The following THSD7B variants were observed in gnomAD, a reference collection of about 807,000 sequenced individuals.
The protein encoded by THSD7B is thrombospondin type-1 domain-containing protein 7B.
Under a neutral mutation model 213.6 loss-of-function variants are expected in THSD7B, and 138 were observed. The observed-to-expected ratio is 0.65, with a 90% CI of 0.56 to 0.74. The LOEUF (loss-of-function observed/expected upper bound fraction) is 0.74. Among genes scored for constraint, THSD7B ranks in the 30% least tolerant of loss-of-function variants. THSD7B has a pLI of 0.00. For synonymous variants in THSD7B, 742 were observed against 687.0 expected (o/e 1.08, Z -1.25); for missense variants, 1,931 against 1,991.5 (o/e 0.97, Z 0.58).
chr2:137,119,505 A>C (rs190989578), intron 5 of THSD7B, among the ~76,000 whole-genome samples: 157 of 152,316 alleles, frequency 1.0e-3, no homozygotes, highest in African/African-American at 3.7e-3. Context: ...AGGAGCTTGG[A>C]GAGTCCATAA....
intron 17 of THSD7B, among the ~76,000 whole-genome samples, chr2:137,615,821 T>TA (rs551697894): frequency 0.022 from 3,265 of 149,688 alleles, 114 homozygotes; most frequent in African/African-American, 0.075. Context: ...TTCCTTTTTT[T>TA]AAAAAAAAAA....
chr2:137,313,180 T>C (rs948184668), intron 12 of THSD7B, among the ~76,000 whole-genome samples: 2 of 152,186 alleles, frequency 1.3e-5, no homozygotes, highest in Non-Finnish European at 2.9e-5. Context: ...GCTTTATGAA[T>C]CTGGGTGCTC....
At chr2:137,027,189 G>A (rs1302551140) in intron 2 of THSD7B, among the ~76,000 whole-genome samples, 4 of 152,134 alleles carry the variant, frequency 2.6e-5, no homozygotes, top group East Asian at 1.9e-4. Context: ...ATATTTTTAA[G>A]TATAGTGCTA....
chr2:137,577,751 T>C (rs1399786620), intron 17 of THSD7B, among the ~76,000 whole-genome samples: 1 of 152,166 alleles, frequency 6.6e-6, no homozygotes, highest in East Asian at 1.9e-4. Flanking sequence ...GAGAGAATGA[T>C]TAATGACAAC....
intron 4 of THSD7B, 115 bp downstream of exon 4, chr2:137,095,236 A>G (rs1421998572): frequency 3.1e-5 from 43 of 1,402,374 alleles, no homozygotes; most frequent in Non-Finnish European, 1.5e-5. Flanking sequence ...CACTCAGTAT[A>G]CAAGTTCCAT....
chr2:137,555,393 G>A (rs1199400211), intron 15 of THSD7B, among the ~76,000 whole-genome samples: 1 of 152,184 alleles, frequency 6.6e-6, no homozygotes, highest in Non-Finnish European at 1.5e-5. Flanking sequence ...AGCAACATTC[G>A]CTGTTCTGCA....
At chr2:137,664,354 G>A (rs1683408744) in intron 26 of THSD7B, among the ~76,000 whole-genome samples, 3 of 152,144 alleles carry the variant, frequency 2.0e-5, no homozygotes, top group African/African-American at 7.2e-5. Context: ...TGGACCCATG[G>A]CTTACACACA....
At chr2:137,538,647 G>A (rs1280634212) in intron 15 of THSD7B, among the ~76,000 whole-genome samples, 5 of 151,670 alleles carry the variant, frequency 3.3e-5, no homozygotes, top group Non-Finnish European at 1.5e-5. Flanking sequence ...CCATAGAAGA[G>A]TCACTTTCTC....
At chr2:137,432,150 T>C (rs1420419998) in intron 14 of THSD7B, among the ~76,000 whole-genome samples, 1 of 152,108 alleles carries the variant, frequency 6.6e-6, no homozygotes, top group Non-Finnish European at 1.5e-5. Context: ...CCCAGCACTT[T>C]GGGAGGCGGA....
chr2:136,957,434 A>T (rs1685145111), intron 2 of THSD7B, among the ~76,000 whole-genome samples: 1 of 114,138 alleles, frequency 8.8e-6, no homozygotes. Flanking sequence ...GGGCCAATAC[A>T]ACGTTTTTTT....
intron 5 of THSD7B, among the ~76,000 whole-genome samples, chr2:137,118,474 G>A (rs1688483780): frequency 6.6e-6 from 1 of 152,098 alleles, no homozygotes; most frequent in Non-Finnish European, 1.5e-5. Context: ...ATATGGTAAA[G>A]CAAAATTTAT....
At chr2:137,294,791 A>G (rs1683420070) in intron 12 of THSD7B, among the ~76,000 whole-genome samples, 1 of 152,022 alleles carries the variant, frequency 6.6e-6, no homozygotes, top group African/African-American at 2.4e-5. Context: ...TCAGGCATTC[A>G]CTAGAGGTCT....
intron 15 of THSD7B, among the ~76,000 whole-genome samples, chr2:137,538,096 C>T (rs1680540433): frequency 6.6e-6 from 1 of 151,678 alleles, no homozygotes; most frequent in East Asian, 1.9e-4. Context: ...ATTCTCATGT[C>T]TTTTCCTGTG....
At chr2:137,342,026 G>A (rs1224483063) in intron 12 of THSD7B, among the ~76,000 whole-genome samples, 2 of 151,324 alleles carry the variant, frequency 1.3e-5, no homozygotes, top group African/African-American at 4.8e-5. Flanking sequence ...ATGCCTATAT[G>A]AAATGACATT....
chr2:136,903,755 C>T (rs1232726656), intron 2 of THSD7B, among the ~76,000 whole-genome samples: 1 of 152,154 alleles, frequency 6.6e-6, no homozygotes, highest in African/African-American at 2.4e-5. Context: ...AGGTTGGGTA[C>T]ACTTGTTAAG....
intron 10 of THSD7B, among the ~76,000 whole-genome samples, chr2:137,263,934 A>G (rs926646598): frequency 6.6e-6 from 1 of 152,208 alleles, no homozygotes; most frequent in Non-Finnish European, 1.5e-5. Context: ...TGGATAATAA[A>G]TACAAAGTTC....
At chr2:137,166,656 T>G (rs1488653668) in intron 6 of THSD7B, among the ~76,000 whole-genome samples, 5 of 152,206 alleles carry the variant, frequency 3.3e-5, no homozygotes, top group African/African-American at 1.2e-4. Flanking sequence ...TTTTATGCTC[T>G]TAAACAAATT....
At chr2:137,203,151 T>A (rs10153629) in intron 7 of THSD7B, among the ~76,000 whole-genome samples, 9,238 of 152,184 alleles carry the variant, frequency 0.061, 737 homozygotes, top group African/African-American at 0.18. Flanking sequence ...TGTAAAATTT[T>A]TAAATTGAGA....
chr2:137,620,781 AG>A (rs58339575), intron 20 of THSD7B, 55 bp downstream of exon 20: 402,499 of 1,421,150 alleles, frequency 0.28, 61,195 homozygotes, highest in African/African-American at 0.54. Flanking sequence ...AATATCATTC[AG>A]TATGCCATAG....
Sources: allele counts gnomAD v4.1 joint callset (sites outside exome capture counted in the v4.1 genomes callset), GRCh38; gene constraint gnomAD v4.1.1; transcripts MANE v1.5; gene names NCBI Gene and HGNC (gene_info 2026-07-23, HGNC 2026-07-21).